The following TNKS variants were observed in gnomAD, a reference collection of about 807,000 sequenced individuals.
TNKS encodes the protein tankyrase, also known as poly [ADP-ribose] polymerase tankyrase-1.
In TNKS, 72 loss-of-function variants were observed where a neutral mutation model predicts 135.8. The ratio of observed to expected loss-of-function variants is 0.53; its 90% confidence interval spans 0.44 to 0.64. The LOEUF (loss-of-function observed/expected upper bound fraction) is 0.64, where lower values mean the gene tolerates loss of function less well. Ranked by LOEUF, TNKS falls within the 30% of genes least tolerant of loss-of-function variation. The probability of loss-of-function intolerance (pLI) is 0.00; values close to 1 mark genes in which losing one functional copy is unlikely to be tolerated. For synonymous variants in TNKS, 849 were observed against 649.3 expected (o/e 1.31, Z -4.68); for missense variants, 1,769 against 1,674.0 (o/e 1.06, Z -0.99).
At chr8:9,706,523 C>A (rs1804054500) in intron 7 of TNKS, among the ~76,000 whole-genome samples, 1 of 152,142 alleles carries the variant, frequency 6.6e-6, no homozygotes, top group African/African-American at 2.4e-5. Context: ...CCACCACGCA[C>A]AGCTAATTTT....
At chr8:9,680,187 T>C (rs1585319731) in intron 4 of TNKS, among the ~76,000 whole-genome samples, 200 bp downstream of exon 4, 2 of 152,338 alleles carry the variant, frequency 1.3e-5, no homozygotes, top group African/African-American at 4.8e-5. Flanking sequence ...ATAAGGTTAA[T>C]TTTATTTGGA....
intron 11 of TNKS, among the ~76,000 whole-genome samples, chr8:9,714,821 T>C (rs1804524730): frequency 6.6e-6 from 1 of 152,182 alleles, no homozygotes; most frequent in Non-Finnish European, 1.5e-5. Context: ...TGATAATGAT[T>C]TTCTACTTGA....
At chr8:9,752,298 T>G (rs561712591) in intron 19 of TNKS, among the ~76,000 whole-genome samples, 2 of 152,210 alleles carry the variant, frequency 1.3e-5, no homozygotes, top group Non-Finnish European at 2.9e-5. Context: ...AAGTTATAAT[T>G]CTATATTCTA....
intron 13 of TNKS, 105 bp downstream of exon 13, chr8:9,726,825 A>T (rs1446884345): frequency 1.1e-6 from 1 of 920,066 alleles, no homozygotes; most frequent in Non-Finnish European, 1.7e-6. Context: ...AGTAAAAAGG[A>T]TGAACAGAGT....
In TNKS at chr8:9,686,240, C is replaced by T. The variant is rs189330633; in HGVS notation, c.1107+5440C>T. ...CCATGTCATAAGGCAGCCCAAGCAGCCATGTGACGAGGTCCACATGAAGAA... is the reference window on the plus strand; with the variant it reads ...CCATGTCATAAGGCAGCCCAAGCAGTCATGTGACGAGGTCCACATGAAGAA... On this transcript the variant is annotated intron_variant, in intron 5 of 26. Coordinates refer to ENST00000310430, the MANE Select transcript of TNKS (RefSeq NM_003747.3). Among the ~76,000 whole-genome samples, 63 of 152,300 alleles carry T rather than the reference C, an allele frequency of 4.1e-4. No individual in the cohort carries two copies. In the East Asian group the frequency reaches 0.01, roughly 25 times the overall value.
chr8:9,706,257 A>G lies in TNKS; in HGVS notation c.1269+4A>G. On this transcript the variant is annotated splice_donor_region_variant and intron_variant, in intron 7 of 26. Coordinates refer to ENST00000310430, the MANE Select transcript of TNKS (RefSeq NM_003747.3). ...AGTCACAGAACTGCTACTAAAGGTA[A>G]GAGAAATTCAGAATATTGAGCATCA... 6.4e-7 allele frequency: 1 copy of G among 1,559,698 alleles called. No individual in the cohort carries two copies. Among genetic ancestry groups the G allele is most frequent in the Non-Finnish European group, 8.6e-7 (1 of 1,156,418 alleles).
rs71201959 is a variant in TNKS at position 9,649,878 on chromosome 8, C to CTTTTTTTTTTTTTT, written c.995-30057_995-30044dup. ...CACAGTTCTTTCTTTCTTTTCTTTT[C>CTTTTTTTTTTTTTT]TTTTTTTTTTTTTTTTTTTTTTTTT... On this transcript the variant is annotated intron_variant, in intron 3 of 26. Transcript: ENST00000310430. Among the ~76,000 whole-genome samples the CTTTTTTTTTTTTTT allele has an allele frequency of 7.1e-4, 59 of 83,374 alleles. 3 individuals carry two copies. The highest frequency in any genetic ancestry group is 2.4e-3 in the African/African-American group (46 of 18,790). The allele number at this position is 83,374 out of a possible 152,430, so 54.7% of individuals were successfully genotyped here. A position where few individuals can be genotyped will look rare whatever the true frequency, so the allele number is the denominator to read the frequency against.
At chr8:9,688,726 G>A (rs763591570) in intron 5 of TNKS, among the ~76,000 whole-genome samples, 7 of 152,026 alleles carry the variant, frequency 4.6e-5, no homozygotes, top group Non-Finnish European at 1.0e-4. Context: ...TGCAAGCTCC[G>A]CCTCCTGGGT....
rs529579095 is a variant in TNKS, at chr8:9,642,853, TATC to T, written c.994+27179_994+27181del. On this transcript the variant is annotated intron_variant, in intron 3 of 26. Coordinates refer to ENST00000310430, the MANE Select transcript of TNKS (RefSeq NM_003747.3). ...TATTTTACCTCTGTTGGAGAACTAA[TATC>T]ATAATAACAGCTTGACTAAAAGTAT... Among the ~76,000 whole-genome samples, 22 of 146,372 alleles carry T rather than the reference TATC, an allele frequency of 1.5e-4. 2 individuals carry two copies. In the South Asian group the frequency reaches 4.6e-3, roughly 30 times the overall value.
intron 17 of TNKS, among the ~76,000 whole-genome samples, chr8:9,736,169 A>C (rs913564161): frequency 6.6e-6 from 1 of 151,330 alleles, no homozygotes; most frequent in African/African-American, 2.4e-5. Flanking sequence ...AAAGCTGTGC[A>C]GCTGTTATAC....
Position 9,556,411 on chromosome 8 carries a change from G to T in TNKS, c.472G>T (p.Gly158Ter). ...CTTGGCGGAGAGCCCCGAGGCGGCC[G>T]GAGTTAGCAGCACAGCACCACTGGG... Reference protein sequence around the residue: ...SSLAESPEAAGVSSTAPLGPG... With the variant: ...SSLAESPEAA Residue 158 changes from glycine (G) to a stop codon, truncating the protein, a stop_gained, in exon 1 of 27, where the codon GGA becomes TGA. Transcript: ENST00000310430. LOFTEE classifies it high-confidence loss of function. 6.2e-7 allele frequency: 1 copy of T among 1,614,200 alleles called. No homozygotes were observed. The highest frequency in any genetic ancestry group is 8.5e-7 in the Non-Finnish European group (1 of 1,180,042).
intron 1 of TNKS, among the ~76,000 whole-genome samples, chr8:9,576,949 G>C (rs1404388328): frequency 1.3e-5 from 2 of 152,084 alleles, no homozygotes; most frequent in Non-Finnish European, 2.9e-5. Flanking sequence ...ACATTGAAAA[G>C]TATATAATTT....
chr8:9,579,324 A>T (rs1798077457), intron 1 of TNKS, among the ~76,000 whole-genome samples: 1 of 152,006 alleles, frequency 6.6e-6, no homozygotes, highest in Admixed American at 6.6e-5. Flanking sequence ...CATCATCTTT[A>T]GTTCTTCCTT....
intron 1 of TNKS, among the ~76,000 whole-genome samples, chr8:9,569,308 G>C (rs1210422427): frequency 6.6e-6 from 1 of 152,170 alleles, no homozygotes; most frequent in African/African-American, 2.4e-5. Flanking sequence ...ACCGGGAGGT[G>C]AATTTTTACA....
At chr8:9,661,338 A>G (rs1801699891) in intron 3 of TNKS, among the ~76,000 whole-genome samples, 1 of 152,230 alleles carries the variant, frequency 6.6e-6, no homozygotes, top group Admixed American at 6.5e-5. Context: ...AAACTATACT[A>G]CAAGGCTACA....
chr8:9,652,572 TGG>T (rs1239435521), intron 3 of TNKS, among the ~76,000 whole-genome samples: 15 of 152,222 alleles, frequency 9.9e-5, no homozygotes, highest in East Asian at 5.8e-4. Flanking sequence ...TAGTGGAGTG[TGG>T]AGAAATCTGT....
At chr8:9,671,805 C>A (rs914745410) in intron 3 of TNKS, among the ~76,000 whole-genome samples, 1 of 152,220 alleles carries the variant, frequency 6.6e-6, no homozygotes, top group Admixed American at 6.5e-5. Context: ...CACCCCTTAT[C>A]CACAGTTTCA....
intron 17 of TNKS, among the ~76,000 whole-genome samples, chr8:9,744,889 C>A (rs894850354): frequency 6.6e-6 from 1 of 152,140 alleles, no homozygotes; most frequent in African/African-American, 2.4e-5. Context: ...TAAACTATAA[C>A]TTCAATATAA....
chr8:9,781,088 A>G lies in TNKS; in HGVS notation c.*4352A>G, dbSNP rs1808440519. The stretch of plus-strand genomic sequence containing the variant: ...TTTTATATACTTTGCACGACCAAAT[A>G]TGGTCGTAGTATGACGAGTTTTATA... On this transcript the variant is annotated 3_prime_UTR_variant, in exon 27 of 27. Transcript: ENST00000310430. 1 of 152,216 alleles carries G rather than the reference A, an allele frequency of 6.6e-6. No homozygotes were observed. Among genetic ancestry groups the G allele is most frequent in the Non-Finnish European group, 1.5e-5 (1 of 68,044 alleles). The allele number at this position is 152,216 out of a possible 1,614,324, so 9.4% of individuals were successfully genotyped here. A position where few individuals can be genotyped will look rare whatever the true frequency, so the allele number is the denominator to read the frequency against.
Sources: gnomAD v4.1 joint callset for allele counts (sites outside exome capture counted in the v4.1 genomes callset) on GRCh38, gnomAD v4.1.1 for gene constraint, MANE v1.5 for transcripts, NCBI Gene and HGNC (gene_info 2026-07-23, HGNC 2026-07-21) for gene names.